The following TIAL1 variants were observed in gnomAD, a reference collection of about 807,000 sequenced individuals.
TIAL1 encodes the protein TIA1 cytotoxic granule associated RNA binding protein like 1, also known as nucleolysin TIAR.
In TIAL1, 7 loss-of-function variants were observed where a neutral mutation model predicts 59.7. The ratio of observed to expected loss-of-function variants is 0.12; its 90% CI spans 0.07 to 0.22. The LOEUF is 0.22. Among genes scored for constraint, TIAL1 ranks in the 10% least tolerant of loss-of-function variants. TIAL1 has a pLI of 1.00. For synonymous variants in TIAL1, 149 were observed against 146.3 expected (o/e 1.02, Z -0.13); for missense variants, 225 against 462.5 (o/e 0.49, Z 4.71).
rs1589863640 is a variant in TIAL1, at chr10:119,578,790, A to G, written c.492T>C (p.Gly164=). ...AIVHMGGQWL[G]GRQIRTNWAT... ...CCCAATTGGTTCGGATTTGACGACC[A>G]CCCAACCACTGACCGCCCATATGCA... Residue 164 remains glycine, a synonymous_variant, in exon 7 of 12, where the codon GGT becomes GGC. Coordinates refer to ENST00000436547, the MANE Select transcript of TIAL1 (RefSeq NM_003252.4). 1 of 1,614,104 alleles carries G rather than the reference A, an allele frequency of 6.2e-7. No homozygotes were observed. Among genetic ancestry groups the G allele is most frequent in the Non-Finnish European group, 8.5e-7 (1 of 1,180,044 alleles).
In TIAL1 at chr10:119,593,397, A is replaced by T. The variant is rs149953012; in HGVS notation, c.32+3037T>A. On this transcript the variant is annotated intron_variant, in intron 1 of 11. Coordinates refer to ENST00000436547, the MANE Select transcript of TIAL1 (RefSeq NM_003252.4). ...ACATCAAAGCAATTCTTGCCACTTT[A>T]AATACCATCAAATAAATTAGTAATA... The T allele has an allele frequency of 4.2e-4, 361 of 866,866 alleles. 6 individuals are homozygous for T. In the East Asian group the frequency reaches 0.026, roughly 62 times the overall value. The allele number at this position is 866,866 out of a possible 1,614,324, so 53.7% of individuals were successfully genotyped here. A position where few individuals can be genotyped will look rare whatever the true frequency, so the allele number is the denominator to read the frequency against.
chr10:119,578,623 C>A, intron 7 of TIAL1, 103 bp downstream of exon 7: 1 of 1,045,848 alleles, frequency 9.6e-7, no homozygotes, highest in East Asian at 2.5e-5. Context: ...AGAGCAAGAC[C>A]CTGTCTCTTA....
At chr10:119,577,263 T>C in intron 9 of TIAL1, 60 bp from the exon 10 acceptor site, 1 of 1,543,988 alleles carries the variant, frequency 6.5e-7, no homozygotes, top group Non-Finnish European at 8.7e-7. Context: ...ACACAATAAA[T>C]AACATGGAAA....
At chr10:119,586,974 T>C (rs1189649250) in intron 2 of TIAL1, among the ~76,000 whole-genome samples, 4 of 152,288 alleles carry the variant, frequency 2.6e-5, no homozygotes, top group East Asian at 1.9e-4. Context: ...CTCCATTATA[T>C]CTCCAGTACC....
chr10:119,588,299 C>T, intron 1 of TIAL1, 51 bp from the exon 2 acceptor site: 1 of 1,083,548 alleles, frequency 9.2e-7, no homozygotes, highest in Non-Finnish European at 1.3e-6. Flanking sequence ...AGCTCTGGCT[C>T]TAATGTGTTA....
intron 7 of TIAL1, 70 bp downstream of exon 7, chr10:119,578,656 A>G: frequency 7.7e-7 from 1 of 1,296,570 alleles, no homozygotes; most frequent in Non-Finnish European, 1.1e-6. Context: ...AGAAATTGAG[A>G]CTAGATGAAT....
At chr10:119,579,262 C>A (rs1400298811) in intron 6 of TIAL1, among the ~76,000 whole-genome samples, 3 of 152,052 alleles carry the variant, frequency 2.0e-5, no homozygotes, top group Non-Finnish European at 4.4e-5. Context: ...CGCTTGAACC[C>A]GGGAGGTGGA....
intron 10 of TIAL1, 125 bp downstream of exon 10, chr10:119,576,955 T>G (rs988339192): frequency 1.4e-6 from 2 of 1,396,434 alleles, no homozygotes; most frequent in African/African-American, 2.9e-5. Context: ...ATAATCAATT[T>G]TGAAATACAA....
rs913275361 is a variant in TIAL1, at chr10:119,574,248, T to C, written c.*1417A>G. On this transcript the variant is annotated 3_prime_UTR_variant, in exon 12 of 12. Coordinates refer to ENST00000436547, the MANE Select transcript of TIAL1 (RefSeq NM_003252.4). The stretch of plus-strand genomic sequence containing the variant: ...AACCTCGGTCTTCTGCATCTTCCAA[T>C]TGATTCCTTTACAAACTCTGCACAC... 2.6e-5 allele frequency: 4 copies of C among 152,392 alleles called. No individual in the cohort carries two copies. Among genetic ancestry groups the C allele is most frequent in the African/African-American group, 9.7e-5 (4 of 41,428 alleles). 9.4% of individuals were successfully genotyped at this position (152,392 alleles called of 1,614,324 possible). A position where few individuals can be genotyped will look rare whatever the true frequency, so the allele number is the denominator to read the frequency against.
rs1844956700 is a variant in TIAL1, at chr10:119,575,743, G to T, written c.1050C>A (p.Pro350=). The change falls in exon 12 of 12, where the codon CCC becomes CCA. Residue 350 remains proline, a synonymous_variant. Coordinates refer to ENST00000436547, the MANE Select transcript of TIAL1 (RefSeq NM_003252.4). ...TTACAGGGGGAGGAGCTTGTCCTTGGGGAGGCTGAGCACCAAATCCACCCA... is the reference window on the plus strand; with the variant it reads ...TTACAGGGGGAGGAGCTTGTCCTTGTGGAGGCTGAGCACCAAATCCACCCA... The part of the protein sequence containing the change: ...AWMGGFGAQP[P]QGQAPPPVIP... 1 of 1,605,258 alleles carries T rather than the reference G, an allele frequency of 6.2e-7. No individual in the cohort carries two copies. The highest frequency in any genetic ancestry group is 1.4e-5 in the African/African-American group (1 of 74,046).
intron 2 of TIAL1, among the ~76,000 whole-genome samples, chr10:119,583,284 A>C (rs1845384398): frequency 6.6e-6 from 1 of 152,164 alleles, no homozygotes; most frequent in Non-Finnish European, 1.5e-5. Context: ...TATCTGAATA[A>C]AATATTCCAA....
In TIAL1 at chr10:119,574,608, C is replaced by CAA. The variant is rs1201692100; in HGVS notation, c.*1055_*1056dup. 1.3e-4 allele frequency: 9 copies of CAA among 71,918 alleles called. No homozygotes were observed. In the Admixed American group the frequency reaches 1.3e-3, roughly 10 times the overall value. 4.5% of individuals were successfully genotyped at this position (71,918 alleles called of 1,614,324 possible). A position where few individuals can be genotyped will look rare whatever the true frequency, so the allele number is the denominator to read the frequency against. ...AAGCAAAAAAAAAAAAAAAAAAAAA[C>CAA]AAAAACAAAAAACTAATTCCCAATG... On this transcript the variant is annotated 3_prime_UTR_variant, in exon 12 of 12. Transcript: ENST00000436547.
intron 1 of TIAL1, chr10:119,592,378 T>C (rs147396967): frequency 3.4e-4 from 52 of 152,284 alleles, no homozygotes; most frequent in African/African-American, 1.2e-3. Context: ...AACTTAGCAG[T>C]TTCACAGTAG....
In TIAL1 at chr10:119,575,542, G is replaced by T; in HGVS notation, c.*123C>A. The T allele has an allele frequency of 1.5e-6, 2 of 1,365,998 alleles. No individual in the cohort carries two copies. Among genetic ancestry groups the T allele is most frequent in the Non-Finnish European group, 2.0e-6 (2 of 979,468 alleles). The allele number at this position is 1,365,998 out of a possible 1,614,324, so 84.6% of individuals were successfully genotyped here. A position where few individuals can be genotyped will look rare whatever the true frequency, so the allele number is the denominator to read the frequency against. ...TCACCAAAGCAAATCTGTGCTAAAGGTTCCAAACATTTCAATTTTTAAAAT... is the reference window on the plus strand; with the variant it reads ...TCACCAAAGCAAATCTGTGCTAAAGTTTCCAAACATTTCAATTTTTAAAAT... On this transcript the variant is annotated 3_prime_UTR_variant, in exon 12 of 12. Transcript: ENST00000436547.
rs755726615 is a variant in TIAL1, at chr10:119,575,623, C to G, written c.*42G>C. On this transcript the variant is annotated 3_prime_UTR_variant, in exon 12 of 12. Coordinates refer to ENST00000436547, the MANE Select transcript of TIAL1 (RefSeq NM_003252.4). ...ATGTCTTCAGAGTGTCACAGGAAAT[C>G]GAAGCCTATCATGAATTACAATTTT... The G allele has an allele frequency of 6.2e-7, 1 of 1,609,678 alleles. No homozygotes were observed. Among genetic ancestry groups the G allele is most frequent in the African/African-American group, 1.3e-5 (1 of 74,762 alleles).
Position 119,574,805 on chromosome 10 carries a change from T to G in TIAL1, c.*860A>C, listed in dbSNP as rs1185666752. The G allele has an allele frequency of 6.6e-6, 1 of 152,608 alleles. No individual in the cohort carries two copies. Among genetic ancestry groups the G allele is most frequent in the Non-Finnish European group, 1.5e-5 (1 of 68,038 alleles). 9.5% of individuals were successfully genotyped at this position (152,608 alleles called of 1,614,324 possible). A position where few individuals can be genotyped will look rare whatever the true frequency, so the allele number is the denominator to read the frequency against. The stretch of plus-strand genomic sequence containing the variant: ...GCAGCGGAGTGTGTTAAGTGTTACT[T>G]CAAATAATTACATTGCTGCTACTTC... On this transcript the variant is annotated 3_prime_UTR_variant, in exon 12 of 12. Coordinates refer to ENST00000436547, the MANE Select transcript of TIAL1 (RefSeq NM_003252.4).
chr10:119,575,908 C>G, intron 11 of TIAL1, 117 bp from the exon 12 acceptor site: 1 of 947,706 alleles, frequency 1.1e-6, no homozygotes, highest in Non-Finnish European at 1.5e-6. Flanking sequence ...ATCAACACAC[C>G]TACAACAAAT....
At chr10:119,594,769 C>A (rs991922201) in intron 1 of TIAL1, among the ~76,000 whole-genome samples, 3 of 152,106 alleles carry the variant, frequency 2.0e-5, no homozygotes, top group Admixed American at 6.5e-5. Flanking sequence ...GGACTACAGG[C>A]GCGCGCCACC....
At chr10:119,593,455 G>A (rs1845992350) in intron 1 of TIAL1, 2 of 984,764 alleles carry the variant, frequency 2.0e-6, no homozygotes, top group Non-Finnish European at 1.2e-6. Context: ...GACCTACCTA[G>A]GCTCTAAACA....
Sources: allele counts gnomAD v4.1 joint callset (sites outside exome capture counted in the v4.1 genomes callset), GRCh38; gene constraint gnomAD v4.1.1; transcripts MANE v1.5; gene names NCBI Gene and HGNC (gene_info 2026-07-23, HGNC 2026-07-21).